NEDD4L: variants seen among roughly 807,000 people sequenced by gnomAD.
NEDD4L encodes E3 ubiquitin-protein ligase NEDD4-like.
NEDD4L carries 54 observed loss-of-function variants against 148.9 expected under a neutral mutation model. The observed-to-expected ratio is 0.36, with a 90% confidence interval of 0.29 to 0.45. The LOEUF is 0.45. Among genes scored for constraint, NEDD4L ranks in the 20% least tolerant of loss-of-function variants. The pLI, the probability that NEDD4L is intolerant of heterozygous loss-of-function variation, is 1.00. For missense variants in NEDD4L, 856 were observed against 1,233.8 expected, an observed-to-expected ratio of 0.69 and a Z score of 4.59; for synonymous variants, 433 against 440.7, an observed-to-expected ratio of 0.98 and a Z score of 0.22.
chr18:58,351,106 ACAT>A, intron 18 of NEDD4L, 61 bp downstream of exon 18: 1 of 1,549,746 alleles, frequency 6.5e-7, no homozygotes, highest in Non-Finnish European at 8.7e-7. Flanking sequence ...AGTAATTCAA[ACAT>A]CATAGTGAAA....
chr18:58,372,358 T>TCTAGGA (rs1292264964), intron 23 of NEDD4L: 1 of 151,934 alleles, frequency 6.6e-6, no homozygotes, highest in Non-Finnish European at 1.5e-5. Flanking sequence ...GCCCTCCTCC[T>TCTAGGA]GCCTCAGCCT....
Position 58,085,666 on chromosome 18 carries a change from T to C in NEDD4L, c.48+40958T>C, listed in dbSNP as rs555074016. On this transcript the variant is annotated intron_variant, in intron 1 of 30. Transcript: ENST00000400345. ...TAGGTAAATGAAAATATAGGTCCCATTGTTGGTAAGATACATGGAGTGTCA... is the reference window on the plus strand; with the variant it reads ...TAGGTAAATGAAAATATAGGTCCCACTGTTGGTAAGATACATGGAGTGTCA... Among the ~76,000 whole-genome samples the C allele has an allele frequency of 4.6e-5, 7 of 152,348 alleles. No homozygotes were observed. In the South Asian group the frequency reaches 1.5e-3, roughly 32 times the overall value.
intron 2 of NEDD4L, among the ~76,000 whole-genome samples, chr18:58,192,717 C>T (rs2040245881): frequency 6.7e-6 from 1 of 148,436 alleles, no homozygotes; most frequent in South Asian, 2.1e-4. Flanking sequence ...GAGGGGAGTT[C>T]AGCAACCATC....
chr18:58,283,106 C>T (rs377051834), intron 5 of NEDD4L, among the ~76,000 whole-genome samples: 18 of 152,142 alleles, frequency 1.2e-4, no homozygotes, highest in East Asian at 3.9e-4. Context: ...GACTGTGTCT[C>T]GCTCTGTCGC....
At chr18:58,048,712 G>A (rs2081713625) in intron 1 of NEDD4L, among the ~76,000 whole-genome samples, 1 of 152,120 alleles carries the variant, frequency 6.6e-6, no homozygotes, top group Non-Finnish European at 1.5e-5. Context: ...TCTCTAGAGT[G>A]TTTTAAAGCT....
chr18:58,049,243 G>A (rs1054430418), intron 1 of NEDD4L, among the ~76,000 whole-genome samples: 2 of 152,204 alleles, frequency 1.3e-5, no homozygotes, highest in Non-Finnish European at 2.9e-5. Flanking sequence ...AAAGAGAAGT[G>A]CTCTTAAATA....
At chr18:58,228,581 C>T (rs551685761) in intron 2 of NEDD4L, among the ~76,000 whole-genome samples, 7 of 152,328 alleles carry the variant, frequency 4.6e-5, no homozygotes, top group East Asian at 3.9e-4. Context: ...TGACAAGATA[C>T]GGAAAAGGCG....
chr18:58,174,002 T>A (rs998952715), intron 2 of NEDD4L, among the ~76,000 whole-genome samples: 1 of 152,228 alleles, frequency 6.6e-6, no homozygotes, highest in African/African-American at 2.4e-5. Context: ...ACACCCCACC[T>A]GGGTCTCACT....
At chr18:58,376,235 ATCT>A (rs1419345732) in intron 24 of NEDD4L, among the ~76,000 whole-genome samples, 1 of 152,186 alleles carries the variant, frequency 6.6e-6, no homozygotes, top group Admixed American at 6.5e-5. Context: ...CCTCTAATAA[ATCT>A]TCTGATGATC....
chr18:58,094,496 C>T (rs899560148), intron 1 of NEDD4L, among the ~76,000 whole-genome samples: 3 of 141,312 alleles, frequency 2.1e-5, no homozygotes, highest in African/African-American at 8.8e-5. Context: ...CACTCCTGCA[C>T]CCTTACCTTT....
intron 5 of NEDD4L, among the ~76,000 whole-genome samples, chr18:58,283,428 C>T (rs2053464461): frequency 6.6e-6 from 1 of 152,148 alleles, no homozygotes; most frequent in Admixed American, 6.5e-5. Context: ...ATCACTGCCG[C>T]TCATATTTTA....
At position 58,256,237 on chromosome 18, in the gene NEDD4L, C is replaced by T; in HGVS notation, c.297+4183C>T. 8.1e-7 allele frequency: 1 copy of T among 1,228,788 alleles called. No homozygotes were observed. The highest frequency in any genetic ancestry group is 1.0e-6 in the Non-Finnish European group (1 of 986,116). 76.1% of individuals were successfully genotyped at this position (1,228,788 alleles called of 1,614,324 possible). On this transcript the variant is annotated intron_variant, in intron 5 of 30. Transcript: ENST00000400345. This position sits in a 1 kb window ranked among gnomAD's most constrained non-coding sequence, Gnocchi z 5.2. Reference sequence around the variant, plus strand: ...GCATCCAGCACCGCGCCTCCAGCGCCGACGTGCGCCAGGTGAGGCTGCTGC... The same window carrying T: ...GCATCCAGCACCGCGCCTCCAGCGCTGACGTGCGCCAGGTGAGGCTGCTGC...
At chr18:58,195,383 A>T (rs1410782063) in intron 2 of NEDD4L, 2 of 1,225,506 alleles carry the variant, frequency 1.6e-6, no homozygotes, top group Non-Finnish European at 2.1e-6. Context: ...GCTGCCTCTG[A>T]TGAGGCACTT....
At chr18:58,120,890 C>A (rs1472072495) in intron 1 of NEDD4L, among the ~76,000 whole-genome samples, 1 of 150,016 alleles carries the variant, frequency 6.7e-6, no homozygotes, top group Non-Finnish European at 1.5e-5. Flanking sequence ...TCTTTATGTA[C>A]TCAGGTGACT....
intron 16 of NEDD4L, among the ~76,000 whole-genome samples, chr18:58,344,932 G>C (rs1206118092): frequency 2.0e-5 from 3 of 152,162 alleles, no homozygotes; most frequent in Non-Finnish European, 4.4e-5. Flanking sequence ...AACTAGCTTG[G>C]TAATCAAATC....
At chr18:58,375,549 T>C (rs1180537129) in intron 24 of NEDD4L, among the ~76,000 whole-genome samples, 1 of 152,080 alleles carries the variant, frequency 6.6e-6, no homozygotes, top group East Asian at 1.9e-4. Flanking sequence ...CAACAAACAG[T>C]GTGCCTTCAA....
intron 2 of NEDD4L, among the ~76,000 whole-genome samples, chr18:58,175,355 C>T (rs567977445): frequency 2.9e-4 from 44 of 152,350 alleles, no homozygotes; most frequent in Non-Finnish European, 5.1e-4. Flanking sequence ...CTTGCTGACA[C>T]GTGGCCATGA....
chr18:58,119,339 A>G (rs1006601909), intron 1 of NEDD4L, among the ~76,000 whole-genome samples: 1 of 152,028 alleles, frequency 6.6e-6, no homozygotes, highest in Non-Finnish European at 1.5e-5. Flanking sequence ...ACCTGTATAC[A>G]TTTGTGTTGA....
At chr18:58,373,131 T>G (rs2047116653) in intron 23 of NEDD4L, 43 bp from the exon 24 acceptor site, 3 of 1,055,644 alleles carry the variant, frequency 2.8e-6, no homozygotes, top group Admixed American at 4.0e-5. Flanking sequence ...GTTTGTATTT[T>G]GGGGAAAAAA....
Sources: gnomAD v4.1 joint callset for allele counts (sites outside exome capture counted in the v4.1 genomes callset) on GRCh38, gnomAD v4.1.1 for gene constraint, Gnocchi (gnomAD v3.1) non-coding constraint, MANE v1.5 for transcripts, NCBI Gene and HGNC (gene_info 2026-07-23, HGNC 2026-07-21) for gene names.